E2F7: variants seen among roughly 807,000 people sequenced by gnomAD.
E2F7 encodes E2F transcription factor 7, also known as transcription factor E2F7.
In E2F7, 35 loss-of-function variants were observed where a neutral mutation model predicts 81.1. The observed-to-expected ratio is 0.43, with a 90% CI of 0.33 to 0.57. The LOEUF (loss-of-function observed/expected upper bound fraction) is 0.57, where lower values mean the gene tolerates loss of function less well. E2F7 is among the 20% of genes least tolerant of loss of function. E2F7 has a pLI of 0.04. For missense variants in E2F7, 961 were observed against 1,093.7 expected, an observed-to-expected ratio of 0.88 and a Z score of 1.71; for synonymous variants, 416 against 416.2, an observed-to-expected ratio of 1.00 and a Z score of 0.01.
chr12:77,048,573 C>T (rs1954961954), intron 4 of E2F7, among the ~76,000 whole-genome samples: 1 of 152,176 alleles, frequency 6.6e-6, no homozygotes, highest in African/African-American at 2.4e-5. Context: ...AAATACAGTC[C>T]TGCAGTCTGT....
Position 77,033,997 on chromosome 12 carries a change from T to C in E2F7, c.1169A>G (p.Lys390Arg). 1 of 1,614,150 alleles carries C rather than the reference T, an allele frequency of 6.2e-7. No individual in the cohort carries two copies. The highest frequency in any genetic ancestry group is 1.6e-4 in the Middle Eastern group (1 of 6,062). Reference protein sequence around the residue: ...DVSASVLPELKRETYGQIQVC... With the variant: ...DVSASVLPELRRETYGQIQVC... ...TTGAATCTGGCCATATGTTTCTCTTTTCAATTCTGGTAAGACAGATGCAGA... is the reference window on the plus strand; with the variant it reads ...TTGAATCTGGCCATATGTTTCTCTTCTCAATTCTGGTAAGACAGATGCAGA... The change falls in exon 8 of 13, where the codon AAA becomes AGA. Residue 390 changes from lysine (K) to arginine (R), a missense_variant. By Grantham distance (26) the Lys-to-Arg change is conservative. Coordinates refer to ENST00000322886, the MANE Select transcript of E2F7 (RefSeq NM_203394.3).
intron 9 of E2F7, among the ~76,000 whole-genome samples, chr12:77,032,459 C>A (rs760475092): frequency 6.6e-6 from 1 of 152,182 alleles, no homozygotes; most frequent in Admixed American, 6.5e-5. Context: ...CTCTGTTTAG[C>A]GTTTCTTCTG....
At chr12:77,058,852 A>C (rs926083082) in intron 2 of E2F7, among the ~76,000 whole-genome samples, 4 of 152,320 alleles carry the variant, frequency 2.6e-5, no homozygotes, top group Non-Finnish European at 5.9e-5. Context: ...TTTAACTTCC[A>C]GGATGTGTGT....
chr12:77,034,142 G>A, intron 7 of E2F7, 100 bp from the exon 8 acceptor site: 1 of 964,100 alleles, frequency 1.0e-6, no homozygotes, highest in Non-Finnish European at 1.5e-6. Context: ...TTGTAATGGA[G>A]CTATCACCCT....
Position 77,027,976 on chromosome 12 carries a change from A to C in E2F7, c.2047T>G (p.Ser683Ala), listed in dbSNP as rs1183242847. ...SLVSSEWGNP[S>A]RNTDVEKPSK... ...GGCTTTTCAACATCTGTATTTCTTG[A>C]AGGATTTCCCCACTCAGAAGAAACA... is the stretch of plus-strand genomic sequence containing the variant. Residue 683 changes from serine (S) to alanine (A), a missense_variant, in exon 11 of 13, where the codon TCA becomes GCA. Transcript: ENST00000322886. The C allele has an allele frequency of 6.2e-7, 1 of 1,614,030 alleles. No individual in the cohort carries two copies. Among genetic ancestry groups the C allele is most frequent in the Non-Finnish European group, 8.5e-7 (1 of 1,180,034 alleles).
chr12:77,045,892 G>T, intron 5 of E2F7, 146 bp downstream of exon 5: 1 of 1,063,342 alleles, frequency 9.4e-7, no homozygotes, highest in Non-Finnish European at 1.3e-6. Flanking sequence ...GGAGCCATCT[G>T]CTTCTCTTTC....
intron 4 of E2F7, 51 bp from the exon 5 acceptor site, chr12:77,046,379 A>G: frequency 6.4e-7 from 1 of 1,570,392 alleles, no homozygotes; most frequent in Non-Finnish European, 8.6e-7. Context: ...ACATTTTTGA[A>G]GAGAAGTTCC....
chr12:77,050,605 A>T lies in E2F7; in HGVS notation c.509T>A (p.Ile170Asn). The T allele has an allele frequency of 6.2e-7, 1 of 1,614,022 alleles. No homozygotes were observed. Among genetic ancestry groups the T allele is most frequent in the Non-Finnish European group, 8.5e-7 (1 of 1,179,950 alleles). Residue 170 changes from isoleucine (I) to asparagine (N), a missense_variant, in exon 4 of 13, where the codon ATC becomes AAC. By Grantham distance (149) the Ile-to-Asn change is moderately radical. Around this residue, in one of 3 missense-constraint regions of E2F7, gnomAD observed 301 missense variants for 405.0 expected, o/e 0.74. Coordinates refer to ENST00000322886, the MANE Select transcript of E2F7 (RefSeq NM_203394.3). ...SYPLSTEKTTISLDEVAVSLG... is the reference protein window; with the variant it reads ...SYPLSTEKTTNSLDEVAVSLG... ...ACTGACAGCAACTTCATCTAGGGAG[A>T]TGGTAGTTTTCTCAGTTGACAAGGG... is the stretch of plus-strand genomic sequence containing the variant.
Position 77,046,150 on chromosome 12 carries a change from T to C in E2F7, c.717A>G (p.Gln239=), listed in dbSNP as rs751904308. 1 of 1,614,228 alleles carries C rather than the reference T, an allele frequency of 6.2e-7. No individual in the cohort carries two copies. The highest frequency in any genetic ancestry group is 1.1e-5 in the South Asian group (1 of 91,082). The part of the protein sequence containing the change: ...QKYEEQMAYL[Q]QKELDLIDYK... ...AATCTATCAGGTCCAGCTCTTTCTGTTGGAGGTAGGCCATTTGCTCTTCAT... is the reference window on the plus strand; with the variant it reads ...AATCTATCAGGTCCAGCTCTTTCTGCTGGAGGTAGGCCATTTGCTCTTCAT... Residue 239 remains glutamine (Q), a synonymous_variant, in exon 5 of 13, where the codon CAA becomes CAG. Transcript: ENST00000322886.
intron 6 of E2F7, chr12:77,044,270 C>T (rs1954920064): frequency 2.2e-6 from 1 of 460,722 alleles, no homozygotes; most frequent in South Asian, 1.5e-5. Context: ...CATCTCCACC[C>T]TTCAGAAGAG....
At chr12:77,043,495 T>C (rs184304) in intron 6 of E2F7, among the ~76,000 whole-genome samples, 130,489 of 151,932 alleles carry the variant, frequency 0.86, 56,376 homozygotes, top group African/African-American at 0.9. Flanking sequence ...AGGGAGGGAA[T>C]GGGCTGTAAT....
At chr12:77,037,071 C>A (rs1954857409) in intron 7 of E2F7, among the ~76,000 whole-genome samples, 1 of 152,076 alleles carries the variant, frequency 6.6e-6, no homozygotes, top group Admixed American at 6.5e-5. Flanking sequence ...CTTTACCCAG[C>A]AAAAATGTTT....
chr12:77,054,292 G>C (rs1955013450), intron 3 of E2F7, among the ~76,000 whole-genome samples: 1 of 150,486 alleles, frequency 6.6e-6, no homozygotes, highest in Non-Finnish European at 1.5e-5. Context: ...GACATTAAAA[G>C]CATCAGTATA....
In E2F7 at chr12:77,023,991, AC is replaced by A; in HGVS notation, c.*23del. 1 of 1,610,314 alleles carries A rather than the reference AC, an allele frequency of 6.2e-7. No individual in the cohort carries two copies. Among genetic ancestry groups the A allele is most frequent in the African/African-American group, 1.3e-5 (1 of 74,772 alleles). On this transcript the variant is annotated 3_prime_UTR_variant, in exon 13 of 13. Transcript: ENST00000322886. ...CGGGACTCTCAGGGCGTTTGATCCC[AC>A]CCCCACCTGGCAAAGCGGCAGGTTA... is the stretch of plus-strand genomic sequence containing the variant.
intron 10 of E2F7, among the ~76,000 whole-genome samples, chr12:77,028,343 C>T (rs533054462): frequency 2.0e-5 from 3 of 152,130 alleles, no homozygotes; most frequent in Admixed American, 6.5e-5. Context: ...CAGGGGCATC[C>T]CCCATGCCTG....
At chr12:77,024,215 T>C (rs763848158) in intron 12 of E2F7, 30 bp from the exon 13 acceptor site, 1 of 1,602,824 alleles carries the variant, frequency 6.2e-7, no homozygotes, top group South Asian at 1.1e-5. Context: ...AAAACAGAAG[T>C]GAAGTCATAT....
chr12:77,043,465 C>T (rs901054195), intron 6 of E2F7, among the ~76,000 whole-genome samples: 3 of 151,996 alleles, frequency 2.0e-5, no homozygotes, highest in African/African-American at 7.3e-5. Flanking sequence ...ACAGGGAGCA[C>T]TGTGATTGCA....
intron 2 of E2F7, among the ~76,000 whole-genome samples, chr12:77,057,542 T>C (rs1955043091): frequency 6.6e-6 from 1 of 152,160 alleles, no homozygotes; most frequent in Non-Finnish European, 1.5e-5. Context: ...ACTCTCAAGT[T>C]CCGTTCTTAA....
In E2F7 at chr12:77,025,606, C is replaced by G. The variant is rs1263359700; in HGVS notation, c.2517G>C (p.Glu839Asp). The change falls in exon 12 of 13, where the codon GAG becomes GAC. Residue 839 changes from glutamate to aspartate, a missense_variant. Glu to Asp is a conservative substitution (Grantham distance 45). Transcript: ENST00000322886. ...CTGGATGTCCCACGTAAACGGGGGA[C>G]TCAGGTTGTTGGACGACACTGTGTG... ...SRSHSVVQQP[E>D]SPVYVGHPVS... The G allele has an allele frequency of 2.5e-6, 4 of 1,614,070 alleles. No individual in the cohort carries two copies. Among genetic ancestry groups the G allele is most frequent in the Non-Finnish European group, 3.4e-6 (4 of 1,180,050 alleles).
Sources: allele counts gnomAD v4.1 joint callset (sites outside exome capture counted in the v4.1 genomes callset), GRCh38; gene constraint gnomAD v4.1.1; regional missense constraint gnomAD v4.1.1; transcripts MANE v1.5; gene names NCBI Gene and HGNC (gene_info 2026-07-23, HGNC 2026-07-21).